Variants in MKNK1 observed in about 807,000 individuals in gnomAD.
The protein encoded by MKNK1 is MAP kinase-interacting serine/threonine-protein kinase 1.
MKNK1 carries 30 observed loss-of-function variants against 49.3 expected under a neutral mutation model. That is an observed-to-expected ratio of 0.61 (90% CI 0.46 to 0.83). The LOEUF (loss-of-function observed/expected upper bound fraction) is 0.83, where lower values mean the gene tolerates loss of function less well. MKNK1 is among the 40% of genes least tolerant of loss of function. The probability of loss-of-function intolerance (pLI) is 0.00; values close to 1 mark genes in which losing one functional copy is unlikely to be tolerated. For synonymous variants in MKNK1, 176 were observed against 201.7 expected, an observed-to-expected ratio of 0.87 and a Z score of 1.08; for missense variants, 423 against 524.7, an observed-to-expected ratio of 0.81 and a Z score of 1.89.
At chr1:46,568,319 G>A in intron 8 of MKNK1, 124 bp downstream of exon 8, 1 of 840,992 alleles carries the variant, frequency 1.2e-6, no homozygotes, top group South Asian at 1.5e-5. Context: ...ATTCTCACAT[G>A]TCCAAGACGA....
intron 2 of MKNK1, chr1:46,585,406 A>C (rs1672412941): frequency 6.2e-6 from 1 of 161,706 alleles, no homozygotes. Flanking sequence ...ACACAGGGTC[A>C]CTCATCTTCA....
chr1:46,569,058 G>A (rs765414723), intron 7 of MKNK1: 1 of 152,444 alleles, frequency 6.6e-6, no homozygotes, highest in Non-Finnish European at 1.5e-5. Context: ...GCCAGCAGCA[G>A]AGCAAAGACC....
intron 10 of MKNK1, 87 bp downstream of exon 10, chr1:46,562,562 G>A (rs1409475880): frequency 7.1e-6 from 10 of 1,409,956 alleles, no homozygotes; most frequent in Admixed American, 5.6e-5. Context: ...GATCAGGAAC[G>A]CTCTCCCAGC....
chr1:46,568,143 A>G, intron 8 of MKNK1: 1 of 258,498 alleles, frequency 3.9e-6, no homozygotes, highest in Non-Finnish European at 7.4e-6. Flanking sequence ...AAAAGTATTT[A>G]CGACTTCCAT....
At chr1:46,561,356 C>T in intron 11 of MKNK1, 122 bp downstream of exon 11, 3 of 1,120,302 alleles carry the variant, frequency 2.7e-6, no homozygotes, top group Non-Finnish European at 3.7e-6. Flanking sequence ...GGGATAGACG[C>T]TGTCCTCTTC....
Position 46,562,813 on chromosome 1 carries a change from C to T in MKNK1, c.640G>A (p.Val214Ile), listed in dbSNP as rs770700818. 9 of 1,612,470 alleles carry T rather than the reference C, an allele frequency of 5.6e-6. No individual in the cohort carries two copies. Among genetic ancestry groups the T allele is most frequent in the African/African-American group, 1.3e-5 (1 of 74,852 alleles). Reference sequence around the variant, plus strand: ...GCCTGGTCCGTGAAGACCTCCACTACCTCAGGGGCCATGTATTCTGCAGAG... The same window carrying T: ...GCCTGGTCCGTGAAGACCTCCACTATCTCAGGGGCCATGTATTCTGCAGAG... Reference protein sequence around the residue: ...CGSAEYMAPEVVEVFTDQATF... With the variant: ...CGSAEYMAPEIVEVFTDQATF... The change falls in exon 10 of 13, where the codon GTA (valine) becomes ATA (isoleucine). Residue 214 changes from valine (V) to isoleucine (I), a missense_variant. By Grantham distance (29) the Val-to-Ile change is conservative. Transcript: ENST00000371945.
Position 46,561,217 on chromosome 1 carries a change from G to A in MKNK1, c.969+261C>T, listed in dbSNP as rs79028719. Among the ~76,000 whole-genome samples the A allele has an allele frequency of 8.3e-4, 127 of 152,314 alleles. 1 individual carries two copies. The highest frequency in any genetic ancestry group is 3.1e-3 in the South Asian group (15 of 4,828). ...TGACAATAGGATGCTTGCGGGGCTG[G>A]GTGCATGTACCAAATCCCCAGAGGA... On this transcript the variant is annotated intron_variant, in intron 11 of 12. Coordinates refer to ENST00000371945, the MANE Select transcript of MKNK1 (RefSeq NM_001135553.4).
chr1:46,568,540 T>C (rs751715016), intron 7 of MKNK1, 42 bp from the exon 8 acceptor site: 3 of 1,567,650 alleles, frequency 1.9e-6, no homozygotes, highest in Non-Finnish European at 8.8e-7. Flanking sequence ...CATATGCAGA[T>C]AATTATCAAA....
intron 2 of MKNK1, among the ~76,000 whole-genome samples, chr1:46,588,471 G>T (rs1005115812): frequency 6.6e-6 from 1 of 152,124 alleles, no homozygotes; most frequent in Admixed American, 6.5e-5. Flanking sequence ...TACTAATTTC[G>T]CAATCATTCA....
intron 4 of MKNK1, among the ~76,000 whole-genome samples, chr1:46,578,604 T>G (rs1383689421): frequency 4.7e-5 from 7 of 148,228 alleles, no homozygotes; most frequent in African/African-American, 1.5e-4. Flanking sequence ...TTTTTTTTTT[T>G]GAGACAGAGT....
In MKNK1 at chr1:46,585,444, C is replaced by T. The variant is rs569827304; in HGVS notation, c.-2-2115G>A. ...AGCTCAGGGAGGGGGTGCTGGCCAT[C>T]GGGGCAGCAGGCTGAGAAGGAGGAA... On this transcript the variant is annotated intron_variant, in intron 2 of 12. Transcript: ENST00000371945. 16 of 168,588 alleles carry T rather than the reference C, an allele frequency of 9.5e-5. No individual in the cohort carries two copies. The East Asian group carries it at 1.6e-3, about 17-fold the overall frequency. The allele number at this position is 168,588 out of a possible 1,614,324, so 10.4% of individuals were successfully genotyped here.
At chr1:46,594,728 C>T (rs895738435) in intron 1 of MKNK1, 20 of 281,646 alleles carry the variant, frequency 7.1e-5, no homozygotes, top group African/African-American at 2.6e-4. Context: ...GGTGTGGTGG[C>T]TCATGCCTGT....
Position 46,558,806 on chromosome 1 carries a change from G to A in MKNK1, c.1014-6C>T, listed in dbSNP as rs764968412. The A allele has an allele frequency of 1.9e-6, 3 of 1,612,160 alleles. No individual in the cohort carries two copies. Among genetic ancestry groups the A allele is most frequent in the Non-Finnish European group, 1.7e-6 (2 of 1,179,128 alleles). On this transcript the variant is annotated splice_polypyrimidine_tract_variant and splice_region_variant and intron_variant, in intron 12 of 12. Transcript: ENST00000371945. ...GGTCCATTGTGCTGCTGTTCCTGCA[G>A]GGCCAGGGGAAAGCACAGAAAAGAG... is the stretch of plus-strand genomic sequence containing the variant.
chr1:46,572,276 C>T (rs573239206), intron 6 of MKNK1, 109 bp from the exon 7 acceptor site: 11 of 849,896 alleles, frequency 1.3e-5, no homozygotes, highest in African/African-American at 6.8e-5. Context: ...AGTAGTGGCA[C>T]GATCTCGGCT....
At chr1:46,577,548 GACA>G (rs1043490567) in intron 4 of MKNK1, among the ~76,000 whole-genome samples, 3 of 152,130 alleles carry the variant, frequency 2.0e-5, no homozygotes, top group African/African-American at 7.2e-5. Flanking sequence ...TGACCTTTAT[GACA>G]ACATCAAAAG....
chr1:46,592,336 A>G (rs1570306074), intron 2 of MKNK1, among the ~76,000 whole-genome samples: 4 of 152,244 alleles, frequency 2.6e-5, no homozygotes, highest in Non-Finnish European at 4.4e-5. Context: ...CCAAGGCACC[A>G]ACAGTCTTAC....
At chr1:46,569,587 A>G (rs181060723) in intron 7 of MKNK1, 1 of 152,252 alleles carries the variant, frequency 6.6e-6, no homozygotes, top group Non-Finnish European at 1.5e-5. Context: ...TCGGTGATCA[A>G]CTTTTTCAGC....
intron 1 of MKNK1, 80 bp downstream of exon 1, chr1:46,604,105 C>T (rs1239298964): frequency 4.6e-5 from 7 of 152,364 alleles, no homozygotes; most frequent in African/African-American, 1.7e-4. Flanking sequence ...CCCTGACTGC[C>T]CCCTTCCGGG....
At chr1:46,592,022 C>G (rs761733877) in intron 2 of MKNK1, among the ~76,000 whole-genome samples, 8 of 152,248 alleles carry the variant, frequency 5.3e-5, no homozygotes, top group South Asian at 2.1e-4. Context: ...GGCAGACCAC[C>G]TGAGTTCAGG....
Sources: allele counts gnomAD v4.1 joint callset (sites outside exome capture counted in the v4.1 genomes callset), GRCh38; gene constraint gnomAD v4.1.1; transcripts MANE v1.5; gene names NCBI Gene and HGNC (gene_info 2026-07-23, HGNC 2026-07-21).